HCN1: variants seen among roughly 807,000 people sequenced by gnomAD.
HCN1 encodes hyperpolarization activated cyclic nucleotide gated potassium channel 1.
In HCN1, 13 loss-of-function variants were observed where a neutral mutation model predicts 78.9. That is an observed-to-expected ratio of 0.16 (90% CI 0.11 to 0.26). The LOEUF (loss-of-function observed/expected upper bound fraction) is 0.26, where lower values mean the gene tolerates loss of function less well. HCN1 is among the 10% of genes least tolerant of loss of function. The pLI, the probability that HCN1 is intolerant of heterozygous loss-of-function variation, is 1.00. For synonymous variants in HCN1, 552 were observed against 455.5 expected (o/e 1.21, Z -2.70); for missense variants, 810 against 1,154.3 (o/e 0.70, Z 4.32).
chr5:45,676,907 TC>T (rs1365254363), intron 1 of HCN1, among the ~76,000 whole-genome samples: 1 of 151,822 alleles, frequency 6.6e-6, no homozygotes, highest in Non-Finnish European at 1.5e-5. Flanking sequence ...TCAGCTATCA[TC>T]TAGCCATCAA....
intron 3 of HCN1, among the ~76,000 whole-genome samples, chr5:45,409,579 C>G (rs776800293): frequency 6.6e-6 from 1 of 151,980 alleles, no homozygotes; most frequent in Admixed American, 6.6e-5. Flanking sequence ...AACATGTCCA[C>G]GCAATTTTGA....
At chr5:45,466,386 A>G (rs933161913) in intron 2 of HCN1, among the ~76,000 whole-genome samples, 2 of 152,170 alleles carry the variant, frequency 1.3e-5, no homozygotes, top group Admixed American at 1.3e-4. Context: ...GACTTTACAT[A>G]CTGGGATAAT....
chr5:45,421,482 C>A (rs1412392159), intron 3 of HCN1, among the ~76,000 whole-genome samples: 1 of 151,520 alleles, frequency 6.6e-6, no homozygotes, highest in African/African-American at 2.4e-5. Flanking sequence ...AATATGTCAA[C>A]AAAATAATGA....
Position 45,271,964 on chromosome 5 carries a change from G to A in HCN1, c.1619-4711C>T, listed in dbSNP as rs894542060. On this transcript the variant is annotated intron_variant, in intron 6 of 7. Transcript: ENST00000303230. ...GAACAACTGAAGGTTATTCATGAGA[G>A]GAGAAATAGTCATTAAGAAGTATGA... Among the ~76,000 whole-genome samples the A allele has an allele frequency of 1.4e-4, 21 of 152,006 alleles. 1 individual carries two copies.
intron 2 of HCN1, among the ~76,000 whole-genome samples, chr5:45,472,982 C>T (rs943187571): frequency 4.0e-5 from 6 of 151,796 alleles, no homozygotes; most frequent in Non-Finnish European, 7.4e-5. Context: ...TTGTCATTGT[C>T]TTACTCTCTC....
At chr5:45,515,904 C>T (rs1742508984) in intron 2 of HCN1, among the ~76,000 whole-genome samples, 1 of 151,812 alleles carries the variant, frequency 6.6e-6, no homozygotes, top group East Asian at 1.9e-4. Flanking sequence ...TTAAATCTAC[C>T]ACCAAAAATG....
intron 2 of HCN1, among the ~76,000 whole-genome samples, chr5:45,471,319 G>T (rs942857895): frequency 6.6e-6 from 1 of 151,742 alleles, no homozygotes; most frequent in African/African-American, 2.4e-5. Context: ...CTGACCTATT[G>T]CTCAACTACA....
rs869265634 is a variant in HCN1, at chr5:45,683,136, AT to A, written c.425+12532del. Among the ~76,000 whole-genome samples the A allele has an allele frequency of 2.0e-3, 158 of 80,048 alleles. 1 individual carries two copies. The East Asian group carries it at 0.054, about 28-fold the overall frequency. The allele number at this position is 80,048 out of a possible 152,430, so 52.5% of individuals were successfully genotyped here. On this transcript the variant is annotated intron_variant, in intron 1 of 7. Coordinates refer to ENST00000303230, the MANE Select transcript of HCN1 (RefSeq NM_021072.4). ...TTACCATTTATAAATTAATTTTTTTATTTTTTTTTACCATTTATAAATTTAA... is the reference window on the plus strand; with the variant it reads ...TTACCATTTATAAATTAATTTTTTTATTTTTTTTACCATTTATAAATTTAA...
At chr5:45,278,604 AG>A (rs1745107609) in intron 6 of HCN1, among the ~76,000 whole-genome samples, 1 of 152,164 alleles carries the variant, frequency 6.6e-6, no homozygotes, top group African/African-American at 2.4e-5. Flanking sequence ...GAGTTTAAAA[AG>A]TTTGTATGTA....
In HCN1 at chr5:45,657,344, T is replaced by C. The variant is rs954549815; in HGVS notation, c.426-11736A>G. Among the ~76,000 whole-genome samples, 4 of 152,218 alleles carry C rather than the reference T, an allele frequency of 2.6e-5. No homozygotes were observed. In the East Asian group the frequency reaches 5.8e-4, roughly 22 times the overall value. ...GGTATAACAAGAAATGTTTTTGTCC[T>C]ATCTTCTTTCATCCTTTCCTTCATA... On this transcript the variant is annotated intron_variant, in intron 1 of 7. Transcript: ENST00000303230.
chr5:45,579,548 T>C (rs1299832088), intron 2 of HCN1, among the ~76,000 whole-genome samples: 2 of 152,178 alleles, frequency 1.3e-5, no homozygotes, highest in East Asian at 3.9e-4. Flanking sequence ...AAGGAGAGAA[T>C]ATAGTAGTAG....
intron 2 of HCN1, among the ~76,000 whole-genome samples, chr5:45,534,668 CA>C (rs143602337): frequency 2.6e-4 from 38 of 145,412 alleles, no homozygotes; most frequent in South Asian, 1.1e-3. Context: ...GATTCTAAGC[CA>C]AAAAAAAAAT....
At chr5:45,485,409 A>G (rs188036852) in intron 2 of HCN1, among the ~76,000 whole-genome samples, 1 of 152,250 alleles carries the variant, frequency 6.6e-6, no homozygotes, top group East Asian at 1.9e-4. Context: ...TTTAGAAATT[A>G]CCCCCAAAAT....
intron 2 of HCN1, among the ~76,000 whole-genome samples, chr5:45,587,400 G>A (rs888347301): frequency 2.9e-4 from 44 of 152,218 alleles, no homozygotes; most frequent in African/African-American, 1.0e-3. Context: ...TCCTTTGTAG[G>A]GACATGGATG....
At chr5:45,618,886 A>G (rs1053809264) in intron 2 of HCN1, among the ~76,000 whole-genome samples, 1 of 152,034 alleles carries the variant, frequency 6.6e-6, no homozygotes, top group African/African-American at 2.4e-5. Flanking sequence ...TTCACTTTTT[A>G]ACATATTGGG....
chr5:45,581,227 A>G (rs951640396), intron 2 of HCN1, among the ~76,000 whole-genome samples: 1 of 152,172 alleles, frequency 6.6e-6, no homozygotes, highest in African/African-American at 2.4e-5. Flanking sequence ...AATGATTGCC[A>G]TTCTAACTGG....
intron 2 of HCN1, among the ~76,000 whole-genome samples, chr5:45,603,888 T>C (rs2111968097): frequency 6.6e-6 from 1 of 152,236 alleles, no homozygotes; most frequent in African/African-American, 2.4e-5. Context: ...TTCCTTTTGA[T>C]CAGTATGACA....
At chr5:45,586,672 C>T (rs2111935247) in intron 2 of HCN1, among the ~76,000 whole-genome samples, 1 of 152,162 alleles carries the variant, frequency 6.6e-6, no homozygotes, top group South Asian at 2.1e-4. Flanking sequence ...GCTCCTCCCT[C>T]CTATTGTTGT....
At chr5:45,284,641 G>A (rs1051098755) in intron 6 of HCN1, among the ~76,000 whole-genome samples, 2 of 152,078 alleles carry the variant, frequency 1.3e-5, no homozygotes, top group Non-Finnish European at 2.9e-5. Context: ...TTCTTGCTGA[G>A]AGGAGCTGAA....
Sources: gnomAD v4.1 joint callset for allele counts (sites outside exome capture counted in the v4.1 genomes callset) on GRCh38, gnomAD v4.1.1 for gene constraint, MANE v1.5 for transcripts, NCBI Gene and HGNC (gene_info 2026-07-23, HGNC 2026-07-21) for gene names.